Variants in SLC9A9 observed in about 807,000 individuals in gnomAD.
SLC9A9 encodes the protein solute carrier family 9 member A9.
In SLC9A9, 62 loss-of-function variants were observed where a neutral mutation model predicts 77.8. The ratio of observed to expected loss-of-function variants is 0.80; its 90% CI spans 0.65 to 0.98. The LOEUF (loss-of-function observed/expected upper bound fraction) is 0.98, where lower values mean the gene tolerates loss of function less well. Ranked by LOEUF, SLC9A9 falls within the 50% of genes least tolerant of loss-of-function variation. The pLI is 0.00. For missense variants in SLC9A9, 775 were observed against 774.9 expected, an observed-to-expected ratio of 1.00 and a Z score of 0.00; for synonymous variants, 320 against 283.5, an observed-to-expected ratio of 1.13 and a Z score of -1.29.
chr3:143,795,155 G>T (rs1306281317), intron 3 of SLC9A9, 78 bp from the exon 4 acceptor site: 1 of 1,344,308 alleles, frequency 7.4e-7, no homozygotes. Context: ...ATAAATGTAT[G>T]CAGTTCACAG....
At chr3:143,405,224 A>G (rs140936965) in intron 12 of SLC9A9, among the ~76,000 whole-genome samples, 1 of 152,034 alleles carries the variant, frequency 6.6e-6, no homozygotes, top group Non-Finnish European at 1.5e-5. Flanking sequence ...TCTCCACTTC[A>G]TTGCTTGCCA....
intron 8 of SLC9A9, among the ~76,000 whole-genome samples, chr3:143,571,966 T>C (rs1030202308): frequency 5.3e-5 from 8 of 152,212 alleles, no homozygotes; most frequent in African/African-American, 1.7e-4. Flanking sequence ...TTGTAGCAAA[T>C]GTCTGTTAGG....
intron 2 of SLC9A9, among the ~76,000 whole-genome samples, chr3:143,807,660 G>A (rs1415962651): frequency 2.0e-5 from 3 of 152,190 alleles, no homozygotes; most frequent in Non-Finnish European, 4.4e-5. Flanking sequence ...CAGGAGAATC[G>A]CTTGATCCTG....
At chr3:143,791,226 A>G (rs1207342960) in intron 4 of SLC9A9, among the ~76,000 whole-genome samples, 5 of 152,254 alleles carry the variant, frequency 3.3e-5, no homozygotes, top group Non-Finnish European at 7.3e-5. Flanking sequence ...ATTGAAATAA[A>G]AAAAGGTTTC....
intron 14 of SLC9A9, among the ~76,000 whole-genome samples, chr3:143,337,142 C>T (rs963801764): frequency 2.6e-5 from 4 of 152,022 alleles, no homozygotes; most frequent in Admixed American, 6.6e-5. Flanking sequence ...TTAATAAATA[C>T]TTGAGTCCCT....
chr3:143,639,685 C>T (rs1274530945), intron 6 of SLC9A9, among the ~76,000 whole-genome samples: 1 of 152,148 alleles, frequency 6.6e-6, no homozygotes, highest in Non-Finnish European at 1.5e-5. Flanking sequence ...CCAAGCACTT[C>T]AAAATTTCAA....
At chr3:143,629,562 CGT>C (rs1013571613) in intron 6 of SLC9A9, among the ~76,000 whole-genome samples, 21 of 149,798 alleles carry the variant, frequency 1.4e-4, no homozygotes, top group Non-Finnish European at 3.0e-4. Flanking sequence ...AGTATATGTG[CGT>C]GTGTGTGCGT....
intron 6 of SLC9A9, among the ~76,000 whole-genome samples, chr3:143,602,486 A>G (rs1017535476): frequency 7.9e-5 from 12 of 152,354 alleles, no homozygotes; most frequent in Middle Eastern, 3.4e-3. Context: ...TAATTTTAAC[A>G]ATTCTTTTAC....
At chr3:143,414,801 T>G (rs1279012653) in intron 12 of SLC9A9, among the ~76,000 whole-genome samples, 1 of 152,204 alleles carries the variant, frequency 6.6e-6, no homozygotes, top group African/African-American at 2.4e-5. Flanking sequence ...AAGAGTCACA[T>G]GTCTCTCACT....
At position 143,574,090 on chromosome 3, in the gene SLC9A9, G is replaced by A. The variant is rs1481015080; in HGVS notation, c.998C>T (p.Thr333Ile). 6 of 1,612,734 alleles carry A rather than the reference G, an allele frequency of 3.7e-6. No individual in the cohort carries two copies. Among genetic ancestry groups the A allele is most frequent in the Non-Finnish European group, 5.1e-6 (6 of 1,179,196 alleles). The change falls in exon 8 of 16, where the codon ACA becomes ATA. Residue 333 changes from threonine (T) to isoleucine (I), a missense_variant and splice_region_variant. Transcript: ENST00000316549. ...AFLSAEAAGL[T>I]GIVAVLFCGV... is the part of the protein sequence containing the mutation. Reference sequence around the variant, plus strand: ...GCTGTGCAGCATGAAGCACTGACCTGTTAGGCCGGCAGCCTCGGCAGACAG... The same window carrying A: ...GCTGTGCAGCATGAAGCACTGACCTATTAGGCCGGCAGCCTCGGCAGACAG...
chr3:143,748,655 A>G (rs946350412), intron 4 of SLC9A9, among the ~76,000 whole-genome samples: 7 of 151,768 alleles, frequency 4.6e-5, no homozygotes, highest in African/African-American at 1.7e-4. Context: ...TTCTTTGAAC[A>G]GAGGACGGAC....
chr3:143,755,866 T>C (rs1157555876), intron 4 of SLC9A9, among the ~76,000 whole-genome samples: 6 of 152,108 alleles, frequency 3.9e-5, no homozygotes, highest in Non-Finnish European at 8.8e-5. Flanking sequence ...TTCAAATGTG[T>C]CAGAGGAAAA....
chr3:143,809,069 C>CT (rs2008797651), intron 2 of SLC9A9, among the ~76,000 whole-genome samples: 1 of 152,066 alleles, frequency 6.6e-6, no homozygotes, highest in Non-Finnish European at 1.5e-5. Flanking sequence ...TATGAGGCTT[C>CT]TTTGAGAATA....
chr3:143,411,292 A>G (rs2034092510), intron 12 of SLC9A9, among the ~76,000 whole-genome samples: 1 of 152,206 alleles, frequency 6.6e-6, no homozygotes. Flanking sequence ...TCTAAGGCTC[A>G]GTGGGCCTTT....
At chr3:143,770,089 A>G (rs1438275663) in intron 4 of SLC9A9, among the ~76,000 whole-genome samples, 1 of 152,188 alleles carries the variant, frequency 6.6e-6, no homozygotes, top group African/African-American at 2.4e-5. Flanking sequence ...GGAGGACTCA[A>G]CCTCATAAAT....
Position 143,675,995 on chromosome 3 carries a change from G to T in SLC9A9, c.649+17197C>A, listed in dbSNP as rs75702434. Among the ~76,000 whole-genome samples, 1,203 of 152,252 alleles carry T rather than the reference G, an allele frequency of 7.9e-3. 11 individuals are homozygous for T. Among genetic ancestry groups the T allele is most frequent in the African/African-American group, 0.025 (1,058 of 41,558 alleles). On this transcript the variant is annotated intron_variant, in intron 5 of 15. Coordinates refer to ENST00000316549, the MANE Select transcript of SLC9A9 (RefSeq NM_173653.4). ...CACCAGGGACAGGTTTCTCGTGGGG[G>T]ATGGGGAGGAGGGCGAGGTGGGGAT...
Position 143,268,916 on chromosome 3 carries a change from C to T in SLC9A9, c.1669G>A (p.Gly557Ser). The T allele has an allele frequency of 6.2e-7, 1 of 1,613,646 alleles. No homozygotes were observed. Among genetic ancestry groups the T allele is most frequent in the Non-Finnish European group, 8.5e-7 (1 of 1,179,810 alleles). The change falls in exon 15 of 16, where the codon GGT becomes AGT. Residue 557 changes from glycine to serine, a missense_variant. Gly to Ser is a moderately conservative substitution (Grantham distance 56). Transcript: ENST00000316549. ...CTGGTAAGCAGCCTGGAAATCGGAC[C>T]ACACCATTCAGGTAATGTTGTAGTC... ...PLTTTLPEWC[G>S]PISRLLTSPQ... is the part of the protein sequence containing the mutation.
intron 12 of SLC9A9, among the ~76,000 whole-genome samples, chr3:143,403,015 G>A (rs2108513505): frequency 6.6e-6 from 1 of 151,966 alleles, no homozygotes; most frequent in East Asian, 1.9e-4. Context: ...CCAGTAAGAT[G>A]TAGAACATTT....
At chr3:143,514,218 T>A (rs2108607936) in intron 9 of SLC9A9, among the ~76,000 whole-genome samples, 1 of 152,172 alleles carries the variant, frequency 6.6e-6, no homozygotes, top group Non-Finnish European at 1.5e-5. Context: ...GAACCTTTTT[T>A]TTTTTTTCTG....
Sources: allele counts gnomAD v4.1 joint callset (sites outside exome capture counted in the v4.1 genomes callset), GRCh38; gene constraint gnomAD v4.1.1; transcripts MANE v1.5; gene names NCBI Gene and HGNC (gene_info 2026-07-23, HGNC 2026-07-21).